CAMKMT: variants seen among roughly 807,000 people sequenced by gnomAD.
CAMKMT encodes the protein CaM KMT.
CAMKMT carries 53 observed loss-of-function variants against 48.0 expected under a neutral mutation model. The observed-to-expected ratio is 1.10, with a 90% CI of 0.89 to 1.39. The LOEUF (loss-of-function observed/expected upper bound fraction) is 1.39, where lower values mean the gene tolerates loss of function less well. CAMKMT is among the 40% of genes most tolerant of loss of function. The pLI, the probability that CAMKMT is intolerant of heterozygous loss-of-function variation, is 0.00. For synonymous variants in CAMKMT, 165 were observed against 152.3 expected, an observed-to-expected ratio of 1.08 and a Z score of -0.61; for missense variants, 428 against 402.7, an observed-to-expected ratio of 1.06 and a Z score of -0.54.
At chr2:44,711,482 T>C (rs1677875985) in intron 6 of CAMKMT, among the ~76,000 whole-genome samples, 1 of 152,196 alleles carries the variant, frequency 6.6e-6, no homozygotes, top group African/African-American at 2.4e-5. Flanking sequence ...TCTAACTTTT[T>C]TTCTTCTCCT....
intron 5 of CAMKMT, among the ~76,000 whole-genome samples, 181 bp downstream of exon 5, chr2:44,706,522 G>T (rs565623461): frequency 6.6e-6 from 1 of 152,118 alleles, no homozygotes; most frequent in African/African-American, 2.4e-5. Context: ...TGGTTGCCTC[G>T]ATGAGCAGAA....
chr2:44,577,035 C>G (rs2103758676), intron 3 of CAMKMT, among the ~76,000 whole-genome samples: 2 of 152,260 alleles, frequency 1.3e-5, no homozygotes, highest in South Asian at 4.1e-4. Flanking sequence ...GTGTGTTTTT[C>G]AAATCTGCAC....
chr2:44,589,458 GA>G (rs1398149333), intron 3 of CAMKMT, among the ~76,000 whole-genome samples: 1 of 55,970 alleles, frequency 1.8e-5, no homozygotes, highest in African/African-American at 7.3e-5. Context: ...GAAGGGTGGG[GA>G]AAAAATTGAG....
intron 3 of CAMKMT, among the ~76,000 whole-genome samples, chr2:44,477,870 A>C (rs1277931244): frequency 1.3e-5 from 2 of 152,234 alleles, no homozygotes; most frequent in African/African-American, 2.4e-5. Context: ...GGTGAAAGGC[A>C]GTAGTGTGAG....
chr2:44,497,709 A>AAGAGAG (rs70937918), intron 3 of CAMKMT, among the ~76,000 whole-genome samples: 1,700 of 138,946 alleles, frequency 0.012, 34 homozygotes, highest in African/African-American at 0.041. Flanking sequence ...TAAGCAGGCA[A>AAGAGAG]AGAGAGAGAG....
chr2:44,528,709 T>C (rs1201238132), intron 3 of CAMKMT, among the ~76,000 whole-genome samples: 4 of 152,176 alleles, frequency 2.6e-5, no homozygotes, highest in African/African-American at 9.7e-5. Flanking sequence ...CCTTGTTTGC[T>C]TCTTCTCCCT....
In CAMKMT at chr2:44,445,116, A is replaced by G. The variant is rs1264008167; in HGVS notation, c.376+54811A>G. On this transcript the variant is annotated intron_variant, in intron 3 of 10. Coordinates refer to ENST00000378494, the MANE Select transcript of CAMKMT (RefSeq NM_024766.5). ...ATGGATAAAGGTCAAGCTAATATTC[A>G]TGGCATAAATGAGGTCCCGGGAACT... 2.0e-5 allele frequency among the ~76,000 whole-genome samples: 3 copies of G among 152,192 alleles called. No homozygotes were observed. The East Asian group carries it at 5.8e-4, about 29-fold the overall frequency.
intron 3 of CAMKMT, among the ~76,000 whole-genome samples, chr2:44,649,150 T>C (rs571251713): frequency 6.6e-6 from 1 of 152,240 alleles, no homozygotes; most frequent in Non-Finnish European, 1.5e-5. Flanking sequence ...GTTTTTCCCT[T>C]CAGTGAGGGG....
intron 2 of CAMKMT, among the ~76,000 whole-genome samples, chr2:44,378,817 G>GA (rs1159558236): frequency 1.3e-5 from 2 of 152,086 alleles, no homozygotes; most frequent in Non-Finnish European, 2.9e-5. Context: ...AAAACCTTCT[G>GA]AAAACCTCTC....
chr2:44,621,266 CAA>C (rs10667154), intron 3 of CAMKMT, among the ~76,000 whole-genome samples: 7 of 84,546 alleles, frequency 8.3e-5, no homozygotes, highest in Non-Finnish European at 2.1e-5. Context: ...GACTCCATCT[CAA>C]AAAAAAAAAA....
At chr2:44,563,630 C>G (rs919518719) in intron 3 of CAMKMT, among the ~76,000 whole-genome samples, 3 of 152,130 alleles carry the variant, frequency 2.0e-5, no homozygotes, top group Non-Finnish European at 4.4e-5. Flanking sequence ...CCCTTCCCCC[C>G]ACCCCATGAC....
intron 3 of CAMKMT, among the ~76,000 whole-genome samples, chr2:44,617,361 C>G (rs567610875): frequency 1.3e-5 from 2 of 152,124 alleles, no homozygotes; most frequent in African/African-American, 2.4e-5. Context: ...GAATTGCCAA[C>G]AAAATGCATC....
At chr2:44,599,044 T>A (rs1158851106) in intron 3 of CAMKMT, among the ~76,000 whole-genome samples, 2 of 152,060 alleles carry the variant, frequency 1.3e-5, no homozygotes, top group East Asian at 3.9e-4. Flanking sequence ...TTTAGCAAGG[T>A]AGAGAGTAAA....
intron 3 of CAMKMT, among the ~76,000 whole-genome samples, chr2:44,411,703 C>G (rs571332840): frequency 1.3e-5 from 2 of 152,038 alleles, no homozygotes; most frequent in Admixed American, 6.5e-5. Flanking sequence ...GTATTGTATC[C>G]TTTCCCCAAG....
At chr2:44,723,725 G>A (rs1004825221) in intron 7 of CAMKMT, 6 of 151,686 alleles carry the variant, frequency 4.0e-5, no homozygotes, top group Admixed American at 6.6e-5. Context: ...TGCTTATTTC[G>A]TAGATGTTAT....
chr2:44,564,216 C>T (rs537850532), intron 3 of CAMKMT, among the ~76,000 whole-genome samples: 1 of 150,958 alleles, frequency 6.6e-6, no homozygotes, highest in African/African-American at 2.4e-5. Context: ...CACTCTCTTG[C>T]CCAGGCTGGA....
At chr2:44,440,888 T>G (rs1446573303) in intron 3 of CAMKMT, among the ~76,000 whole-genome samples, 1 of 152,158 alleles carries the variant, frequency 6.6e-6, no homozygotes, top group African/African-American at 2.4e-5. Flanking sequence ...CTCTTTTACT[T>G]GGTGTAGTCA....
intron 3 of CAMKMT, chr2:44,549,656 G>A (rs901947040): frequency 1.4e-5 from 8 of 591,926 alleles, no homozygotes; most frequent in African/African-American, 5.7e-5. Context: ...GAAACACTTC[G>A]TGGCAGAAGA....
At chr2:44,370,176 G>T (rs1026185614) in intron 1 of CAMKMT, among the ~76,000 whole-genome samples, 1 of 151,902 alleles carries the variant, frequency 6.6e-6, no homozygotes, top group East Asian at 1.9e-4. Context: ...CTGTGTTCTA[G>T]TTTTTTCTCT....
Sources: gnomAD v4.1 joint callset for allele counts (sites outside exome capture counted in the v4.1 genomes callset) on GRCh38, gnomAD v4.1.1 for gene constraint, MANE v1.5 for transcripts, NCBI Gene and HGNC (gene_info 2026-07-23, HGNC 2026-07-21) for gene names.